Variants in ZDHHC11B observed in about 807,000 individuals in gnomAD.
ZDHHC11B encodes the protein probable palmitoyltransferase ZDHHC11B.
ZDHHC11B carries 17 observed loss-of-function variants against 42.3 expected under a neutral mutation model. The ratio of observed to expected loss-of-function variants is 0.40; its 90% CI spans 0.27 to 0.60. The LOEUF is 0.60. Among genes scored for constraint, ZDHHC11B ranks in the 20% least tolerant of loss-of-function variants. ZDHHC11B has a pLI of 0.41. For synonymous variants in ZDHHC11B, 123 were observed against 193.5 expected (o/e 0.64, Z 3.02); for missense variants, 262 against 463.2 (o/e 0.57, Z 3.99).
intron 1 of ZDHHC11B, among the ~76,000 whole-genome samples, 163 bp downstream of exon 1, chr5:784,505 T>A (rs1347375472): frequency 4.6e-5 from 7 of 152,298 alleles, no homozygotes; most frequent in African/African-American, 1.7e-4. Context: ...GGCATCCCAA[T>A]CCGGGGGCTC....
chr5:775,885 C>G (rs75404888), intron 1 of ZDHHC11B, among the ~76,000 whole-genome samples: 3 of 148,124 alleles, frequency 2.0e-5, no homozygotes, highest in East Asian at 2.0e-4. Flanking sequence ...GGGGCCGAGG[C>G]GCTCAGCAGT....
chr5:721,243 C>A (rs1742160612), intron 12 of ZDHHC11B, among the ~76,000 whole-genome samples: 1 of 145,476 alleles, frequency 6.9e-6, no homozygotes, highest in African/African-American at 2.5e-5. Context: ...TGGAACATTA[C>A]AAACATTCAA....
Position 733,761 on chromosome 5 carries a change from C to T in ZDHHC11B, c.1014G>A (p.Ser338=), listed in dbSNP as rs774407835. Residue 338 remains serine (S), a synonymous_variant, in exon 11 of 14, where the codon TCG becomes TCA. Transcript: ENST00000508859. The part of the protein sequence containing the change: ...FCTSVNQDGD[S]KAQEADDAPS... ...GGTGACTGCAACTTACCTGTGCCTT[C>T]GAATCCCCGTCCTGGTTTACTGAAG... is the stretch of plus-strand genomic sequence containing the variant. 2.8e-4 allele frequency: 444 copies of T among 1,610,994 alleles called. 8 individuals carry two copies. The highest frequency in any genetic ancestry group is 6.6e-4 in the Middle Eastern group (4 of 6,056).
At chr5:777,218 C>G (rs944853235) in intron 1 of ZDHHC11B, among the ~76,000 whole-genome samples, 10 of 151,986 alleles carry the variant, frequency 6.6e-5, no homozygotes, top group South Asian at 2.1e-4. Flanking sequence ...AAGCCGCGGA[C>G]TCTCGCAGTG....
chr5:725,139 G>A (rs576395506), intron 12 of ZDHHC11B, among the ~76,000 whole-genome samples: 2,386 of 150,576 alleles, frequency 0.016, 41 homozygotes, highest in African/African-American at 0.056. Context: ...AGTGCCTTCA[G>A]AACACGCATG....
At chr5:722,913 A>T (rs1742297746) in intron 12 of ZDHHC11B, among the ~76,000 whole-genome samples, 1 of 151,642 alleles carries the variant, frequency 6.6e-6, no homozygotes, top group African/African-American at 2.4e-5. Flanking sequence ...ACATACGCAC[A>T]ATGTCCTTTC....
chr5:777,940 C>G (rs970755616), intron 1 of ZDHHC11B, among the ~76,000 whole-genome samples: 1 of 151,772 alleles, frequency 6.6e-6, no homozygotes, highest in African/African-American at 2.4e-5. Context: ...CTCGGCATGG[C>G]GGTCGGCGGG....
intron 10 of ZDHHC11B, among the ~76,000 whole-genome samples, chr5:738,068 G>A (rs1451023911): frequency 5.2e-4 from 38 of 72,470 alleles, no homozygotes; most frequent in Non-Finnish European, 1.0e-3. Context: ...CATCCAGAAA[G>A]CTTCTAAATC....
chr5:746,910 C>T (rs1263811780), intron 8 of ZDHHC11B, among the ~76,000 whole-genome samples: 1 of 125,684 alleles, frequency 8.0e-6, no homozygotes, highest in Non-Finnish European at 1.7e-5. Flanking sequence ...GACCATGTGG[C>T]CTCGGCCCAA....
intron 1 of ZDHHC11B, among the ~76,000 whole-genome samples, chr5:770,538 A>T (rs1174754536): frequency 6.6e-6 from 1 of 151,202 alleles, no homozygotes; most frequent in Admixed American, 6.6e-5. Flanking sequence ...CCCGCTCTGC[A>T]GCTCTGGAGG....
At position 766,884 on chromosome 5, in the gene ZDHHC11B, G is replaced by A. The variant is rs1379224377; in HGVS notation, c.36C>T (p.Thr12=). ...CTTCATTGTTGCGTATGGCTTCTGG[G>A]GTGACGGAACACTGGCTCCCGGAGC... The part of the protein sequence containing the change: ...DTRSGSQCSV[T]PEAIRNNEEL... The change falls in exon 4 of 14, where the codon ACC becomes ACT. Residue 12 remains threonine (T), a synonymous_variant. Coordinates refer to ENST00000508859, the MANE Select transcript of ZDHHC11B (RefSeq NM_001351303.2). 1.9e-6 allele frequency: 3 copies of A among 1,612,620 alleles called. No individual in the cohort carries two copies. The highest frequency in any genetic ancestry group is 1.7e-4 in the Middle Eastern group (1 of 6,060).
intron 1 of ZDHHC11B, among the ~76,000 whole-genome samples, chr5:770,131 A>G (rs1461180761): frequency 1.3e-5 from 2 of 150,998 alleles, no homozygotes; most frequent in African/African-American, 4.9e-5. Flanking sequence ...TGGAGGAAGG[A>G]GAGGAGAAAG....
At chr5:754,624 C>T (rs375380558) in intron 6 of ZDHHC11B, among the ~76,000 whole-genome samples, 2,670 of 110,060 alleles carry the variant, frequency 0.024, 72 homozygotes, top group African/African-American at 0.084. Context: ...CGTCCATCTG[C>T]GCTGGGTGCC....
At position 742,144 on chromosome 5, in the gene ZDHHC11B, AT is replaced by A. The variant is rs1386652462; in HGVS notation, c.901-517del. Reference sequence around the variant, plus strand: ...AGGAGTTTGTTCAAATCTTTTGCCCATTTTTTATATGTATGTATGTATTTTT... The same window carrying A: ...AGGAGTTTGTTCAAATCTTTTGCCCATTTTTATATGTATGTATGTATTTTT... On this transcript the variant is annotated intron_variant, in intron 9 of 13. Coordinates refer to ENST00000508859, the MANE Select transcript of ZDHHC11B (RefSeq NM_001351303.2). Among the ~76,000 whole-genome samples the A allele has an allele frequency of 9.6e-5, 12 of 125,230 alleles. 2 individuals are homozygous for A. The highest frequency in any genetic ancestry group is 3.5e-4 in the African/African-American group (12 of 34,520). The allele number at this position is 125,230 out of a possible 152,430, so 82.2% of individuals were successfully genotyped here. A position where few individuals can be genotyped will look rare whatever the true frequency, so the allele number is the denominator to read the frequency against.
chr5:721,247 C>T (rs1409079561), intron 12 of ZDHHC11B, among the ~76,000 whole-genome samples: 3 of 143,942 alleles, frequency 2.1e-5, no homozygotes, highest in African/African-American at 7.6e-5. Context: ...ACATTACAAA[C>T]ATTCAACTAA....
intron 13 of ZDHHC11B, among the ~76,000 whole-genome samples, chr5:714,373 C>A (rs1301602964): frequency 3.7e-4 from 53 of 144,706 alleles, no homozygotes; most frequent in African/African-American, 2.7e-5. Flanking sequence ...TCCTACACCA[C>A]AGGCACTTTG....
chr5:739,979 A>T (rs1743987328), intron 10 of ZDHHC11B, among the ~76,000 whole-genome samples: 1 of 152,056 alleles, frequency 6.6e-6, no homozygotes, highest in Admixed American at 6.6e-5. Context: ...GCACTCACAC[A>T]ACCTGGATGG....
intron 6 of ZDHHC11B, among the ~76,000 whole-genome samples, chr5:752,269 C>T (rs1211515148): frequency 1.2e-5 from 1 of 82,046 alleles, no homozygotes; most frequent in East Asian, 5.6e-4. Context: ...AGGAGCCCGG[C>T]CACACCTCGG....
rs763806270 is a variant in ZDHHC11B at position 751,123 on chromosome 5, G to A, written c.628+10C>T. 31 of 1,267,682 alleles carry A rather than the reference G, an allele frequency of 2.4e-5. 4 individuals are homozygous for A. Among genetic ancestry groups the A allele is most frequent in the Middle Eastern group, 5.0e-4 (2 of 4,012 alleles). The allele number at this position is 1,267,682 out of a possible 1,614,324, so 78.5% of individuals were successfully genotyped here. A position where few individuals can be genotyped will look rare whatever the true frequency, so the allele number is the denominator to read the frequency against. The stretch of plus-strand genomic sequence containing the variant: ...GAGGATGAGGCCCCTTGAGAGCGGC[G>A]GCCACGTACCTTCATACCTGGGGTC... On this transcript the variant is annotated intron_variant, in intron 7 of 13. Coordinates refer to ENST00000508859, the MANE Select transcript of ZDHHC11B (RefSeq NM_001351303.2).
Sources: allele counts gnomAD v4.1 joint callset (sites outside exome capture counted in the v4.1 genomes callset), GRCh38; gene constraint gnomAD v4.1.1; transcripts MANE v1.5; gene names NCBI Gene and HGNC (gene_info 2026-07-23, HGNC 2026-07-21).